C16orf95: variants seen among roughly 807,000 people sequenced by gnomAD.
C16orf95 encodes uncharacterized protein C16orf95.
Under a neutral mutation model 32.1 loss-of-function variants are expected in C16orf95, and 41 were observed. The observed-to-expected ratio is 1.28, with a 90% CI of 1.00 to 1.66. The LOEUF is 1.66. Ranked by LOEUF, C16orf95 falls within the 40% of genes most tolerant of loss-of-function variation. The probability of loss-of-function intolerance (pLI) is 0.00; values close to 1 mark genes in which losing one functional copy is unlikely to be tolerated. For missense variants in C16orf95, 399 were observed against 325.9 expected (o/e 1.22, Z -1.73); for synonymous variants, 147 against 128.9 (o/e 1.14, Z -0.95).
In C16orf95 at chr16:87,311,149, C is replaced by T; in HGVS notation, c.477+1G>A. 1 of 1,522,266 alleles carries T rather than the reference C, an allele frequency of 6.6e-7. No homozygotes were observed. The highest frequency in any genetic ancestry group is 8.8e-7 in the Non-Finnish European group (1 of 1,136,882). 94.3% of individuals were successfully genotyped at this position (1,522,266 alleles called of 1,614,324 possible). On this transcript the variant is annotated splice_donor_variant, in intron 4 of 6. Transcript: ENST00000567970. LOFTEE classifies it high-confidence loss of function. ...CACTGCAGTGTGCGCCTCCTCCTTA[C>T]CTGCTGCTGAGACCTCAGGACCTGG...
rs539022917 is a variant in C16orf95, at chr16:87,305,304, G to C, written c.701+415C>G. On this transcript the variant is annotated intron_variant, in intron 6 of 6. Transcript: ENST00000567970. The surrounding 1 kb of genome is among the most constrained non-coding windows in gnomAD (Gnocchi z 4.2). ...GAGACTGGCGGCTGGGGCTCAAGCT[G>C]GGGACAGGCAAGAGGTCCCCATACC... Among the ~76,000 whole-genome samples the C allele has an allele frequency of 1.4e-4, 22 of 152,248 alleles. 1 individual carries two copies. The East Asian group carries it at 4.3e-3, about 30-fold the overall frequency.
At chr16:87,307,741 G>C (rs1169450181) in intron 5 of C16orf95, among the ~76,000 whole-genome samples, 2 of 152,162 alleles carry the variant, frequency 1.3e-5, no homozygotes, top group Admixed American at 6.5e-5. Flanking sequence ...CTGGGTGACA[G>C]AGTGAGACTC....
intron 6 of C16orf95, chr16:87,303,749 G>A (rs1050212549): frequency 1.3e-5 from 2 of 152,506 alleles, no homozygotes; most frequent in African/African-American, 2.4e-5. Flanking sequence ...CAGAATTCAG[G>A]GGCTGGAAAA....
chr16:87,309,095 A>T (rs1911156113), intron 5 of C16orf95, among the ~76,000 whole-genome samples: 1 of 152,156 alleles, frequency 6.6e-6, no homozygotes, highest in Admixed American at 6.5e-5. Flanking sequence ...TGTCACCATA[A>T]ACTTGTCATA....
chr16:87,312,358 C>G (rs1911318768), intron 3 of C16orf95, among the ~76,000 whole-genome samples: 2 of 152,152 alleles, frequency 1.3e-5, no homozygotes, highest in Non-Finnish European at 2.9e-5. Flanking sequence ...CACTTGAGAT[C>G]AGGTGTTTGA....
intron 2 of C16orf95, among the ~76,000 whole-genome samples, 154 bp from the exon 3 acceptor site, chr16:87,315,250 G>A (rs532995993): frequency 5.9e-5 from 9 of 152,316 alleles, no homozygotes; most frequent in African/African-American, 1.7e-4. Flanking sequence ...GCAGGCTACC[G>A]TGGCTCGCCC....
At chr16:87,307,355 G>T (rs775721253) in intron 5 of C16orf95, among the ~76,000 whole-genome samples, 1 of 152,144 alleles carries the variant, frequency 6.6e-6, no homozygotes, top group South Asian at 2.1e-4. Flanking sequence ...TATGTGCCAG[G>T]TCACAGACAG....
Position 87,311,305 on chromosome 16 carries a change from G to A in C16orf95, c.331-9C>T, listed in dbSNP as rs947819536. The A allele has an allele frequency of 1.3e-6, 2 of 1,519,622 alleles. No homozygotes were observed. The highest frequency in any genetic ancestry group is 1.8e-6 in the Non-Finnish European group (2 of 1,134,614). The allele number at this position is 1,519,622 out of a possible 1,614,324, so 94.1% of individuals were successfully genotyped here. On this transcript the variant is annotated splice_polypyrimidine_tract_variant and intron_variant, in intron 3 of 6. Transcript: ENST00000567970. The stretch of plus-strand genomic sequence containing the variant: ...TGAACCGTCTTTTGACTCTAACAGA[G>A]AGGATGGGAGGAGAAGATTCAGAAG...
intron 3 of C16orf95, 145 bp downstream of exon 3, chr16:87,314,826 A>C (rs1904305573): frequency 1.2e-6 from 1 of 857,164 alleles, no homozygotes; most frequent in African/African-American, 1.7e-5. Flanking sequence ...ATCTGACATG[A>C]AAATAAATAA....
chr16:87,308,139 A>C (rs1479465604), intron 5 of C16orf95, among the ~76,000 whole-genome samples: 1 of 152,148 alleles, frequency 6.6e-6, no homozygotes, highest in African/African-American at 2.4e-5. Flanking sequence ...AGCTTTCCAG[A>C]GTGTTTTTCT....
intron 4 of C16orf95, among the ~76,000 whole-genome samples, chr16:87,310,591 G>A (rs1260208289): frequency 6.6e-6 from 1 of 152,212 alleles, no homozygotes; most frequent in African/African-American, 2.4e-5. Context: ...GCAGGGGAGC[G>A]AGAGGCCCAG....
intron 4 of C16orf95, 79 bp downstream of exon 4, chr16:87,311,071 C>G: frequency 1.5e-6 from 2 of 1,319,492 alleles, no homozygotes; most frequent in Non-Finnish European, 2.0e-6. Flanking sequence ...CCCCTCTTCC[C>G]CTTCTTCCTC....
At position 87,305,789 on chromosome 16, in the gene C16orf95, C is replaced by T. The variant is rs752580431; in HGVS notation, c.631G>A (p.Ala211Thr). The change falls in exon 6 of 7, where the codon GCA becomes ACA. Residue 211 changes from alanine (A) to threonine (T), a missense_variant. Physicochemically the swap from Ala to Thr is moderately conservative, Grantham distance 58. Transcript: ENST00000567970. This position sits in a 1 kb window ranked among gnomAD's most constrained non-coding sequence, Gnocchi z 4.2. ...APYQDQLPAPAARLLPLGLLT... is the reference protein window; with the variant it reads ...APYQDQLPAPTARLLPLGLLT... ...AGGCCGAGGGGCAGCAGACGCGCTG[C>T]AGGAGCCGGTAGCTGGTCCTGGTAG... The T allele has an allele frequency of 3.0e-4, 454 of 1,517,788 alleles. No individual in the cohort carries two copies. Among genetic ancestry groups the T allele is most frequent in the Non-Finnish European group, 3.7e-4 (425 of 1,138,000 alleles). The allele number at this position is 1,517,788 out of a possible 1,614,324, so 94.0% of individuals were successfully genotyped here. A position where few individuals can be genotyped will look rare whatever the true frequency, so the allele number is the denominator to read the frequency against.
At chr16:87,315,938 G>A in intron 1 of C16orf95, 115 bp from the exon 2 acceptor site, 2 of 589,802 alleles carry the variant, frequency 3.4e-6, no homozygotes, top group Admixed American at 3.8e-5. Context: ...AAGCCCACGG[G>A]TGGTGGGGAT....
chr16:87,317,142 C>G lies in C16orf95; in HGVS notation c.101G>C (p.Gly34Ala). 6.5e-7 allele frequency: 1 copy of G among 1,534,292 alleles called. No homozygotes were observed. The highest frequency in any genetic ancestry group is 8.7e-7 in the Non-Finnish European group (1 of 1,145,874). ...TGCCAACCTGCAGAGCCCGACGCAC[C>G]CCGCGCCCGGCCCCCCGGCAGCAGC... ...SGAAAGGPGAGCVGLCRLALT... is the reference protein window; with the variant it reads ...SGAAAGGPGAACVGLCRLALT... Residue 34 changes from glycine to alanine, a missense_variant, in exon 1 of 7, where the codon GGG (glycine) becomes GCG (alanine). By Grantham distance (60) the Gly-to-Ala change is moderately conservative. Transcript: ENST00000567970.
In C16orf95 at chr16:87,317,072, G is replaced by A. The variant is rs1395310939; in HGVS notation, c.152+19C>T. The A allele has an allele frequency of 2.7e-6, 4 of 1,490,500 alleles. No individual in the cohort carries two copies. The Admixed American group carries it at 6.5e-5, about 24-fold the overall frequency. 92.3% of individuals were successfully genotyped at this position (1,490,500 alleles called of 1,614,324 possible). A position where few individuals can be genotyped will look rare whatever the true frequency, so the allele number is the denominator to read the frequency against. On this transcript the variant is annotated intron_variant, in intron 1 of 6. Transcript: ENST00000567970. ...GCGAGGTGTCGGGTAGCCGCGGGCA[G>A]GATTCAGGACTCACTTGCCTGCCAT...
At chr16:87,311,530 C>G (rs747604366) in intron 3 of C16orf95, among the ~76,000 whole-genome samples, 6 of 152,208 alleles carry the variant, frequency 3.9e-5, no homozygotes, top group African/African-American at 1.2e-4. Context: ...CCGTGGCTCA[C>G]CTGGCCTCCC....
intron 3 of C16orf95, among the ~76,000 whole-genome samples, chr16:87,312,771 T>C (rs576995072): frequency 6.6e-6 from 1 of 152,032 alleles, no homozygotes; most frequent in African/African-American, 2.4e-5. Context: ...GATGACACAA[T>C]CATCTACATA....
chr16:87,310,133 C>T (rs1308361511), intron 5 of C16orf95, among the ~76,000 whole-genome samples, 164 bp downstream of exon 5: 1 of 152,108 alleles, frequency 6.6e-6, no homozygotes, highest in East Asian at 1.9e-4. Flanking sequence ...CAGTGGGTGA[C>T]CAGGGATGGC....
Sources: allele counts gnomAD v4.1 joint callset (sites outside exome capture counted in the v4.1 genomes callset), GRCh38; gene constraint gnomAD v4.1.1; non-coding constraint Gnocchi (gnomAD v3.1); transcripts MANE v1.5; gene names NCBI Gene and HGNC (gene_info 2026-07-23, HGNC 2026-07-21).